Variants in PLAC1 observed in about 807,000 individuals in gnomAD.
PLAC1 encodes the protein placenta-specific protein 1.
For missense variants in PLAC1, 136 were observed against 163.2 expected (o/e 0.83, Z 0.91); for synonymous variants, 68 against 62.1 (o/e 1.09, Z -0.44).
At chrX:134,611,941 A>G (rs949675614) in intron 1 of PLAC1, among the ~76,000 whole-genome samples, 8 of 110,975 alleles carry the variant, frequency 7.2e-5, no homozygotes, top group East Asian at 2.8e-4. Flanking sequence ...AAGGGACTCA[A>G]AGTCAAACTC....
At chrX:134,571,508 C>T (rs1221057835) in intron 2 of PLAC1, among the ~76,000 whole-genome samples, 1 of 111,114 alleles carries the variant, frequency 9.0e-6, no homozygotes. Context: ...ATGGTGAGTT[C>T]AGCCAATAAT....
intron 2 of PLAC1, among the ~76,000 whole-genome samples, chrX:134,570,238 G>A (rs2077901752): frequency 9.0e-6 from 1 of 111,566 alleles, no homozygotes; most frequent in African/African-American, 3.3e-5. Flanking sequence ...TCCCGAACAA[G>A]GGAGGGAGAA....
chrX:134,698,955 G>A (rs955932860), intron 2 of PLAC1, among the ~76,000 whole-genome samples: 4 of 110,918 alleles, frequency 3.6e-5, no homozygotes, highest in South Asian at 3.9e-4. Context: ...GCACCAACCC[G>A]GTTTCTCCTC....
chrX:134,619,582 C>T (rs1221738952), intron 1 of PLAC1, among the ~76,000 whole-genome samples: 1 of 105,527 alleles, frequency 9.5e-6, no homozygotes, highest in African/African-American at 3.5e-5. Flanking sequence ...ACCTGGGAGG[C>T]GGAGGTTGCA....
intron 2 of PLAC1, among the ~76,000 whole-genome samples, chrX:134,591,223 ATGTG>A (rs779885743): frequency 9.0e-6 from 1 of 110,841 alleles, no homozygotes; most frequent in Non-Finnish European, 1.9e-5. Flanking sequence ...CATCTTGGAA[ATGTG>A]TGTGTGTGTG....
intron 1 of PLAC1, among the ~76,000 whole-genome samples, chrX:134,762,197 C>T (rs767299551): frequency 8.1e-5 from 6 of 73,804 alleles, no homozygotes; most frequent in Admixed American, 6.5e-4. Flanking sequence ...TGTTGAGGCA[C>T]CCCCCCCCCA....
chrX:134,738,196 A>G (rs1246225254), intron 1 of PLAC1, among the ~76,000 whole-genome samples: 1 of 111,527 alleles, frequency 9.0e-6, no homozygotes, highest in East Asian at 2.8e-4. Flanking sequence ...AAAAAGGAGA[A>G]AGGTCAATTA....
chrX:134,606,422 T>C (rs1414603515), intron 1 of PLAC1, among the ~76,000 whole-genome samples: 1 of 110,227 alleles, frequency 9.1e-6, no homozygotes, highest in African/African-American at 3.3e-5. Context: ...AATAAACATG[T>C]GAAAAAAACA....
chrX:134,736,815 G>A (rs949299043), intron 1 of PLAC1, among the ~76,000 whole-genome samples: 18 of 112,385 alleles, frequency 1.6e-4, no homozygotes, highest in Admixed American at 1.1e-3. Context: ...CCTGAAAGAG[G>A]TCAAGGTGAG....
At chrX:134,748,067 C>T (rs764903424) in intron 1 of PLAC1, among the ~76,000 whole-genome samples, 3 of 112,112 alleles carry the variant, frequency 2.7e-5, no homozygotes, top group Admixed American at 9.4e-5. Context: ...CAGTGGCTCA[C>T]GCCTGTAATC....
At chrX:134,619,949 T>G (rs966160897) in intron 1 of PLAC1, among the ~76,000 whole-genome samples, 6 of 111,910 alleles carry the variant, frequency 5.4e-5, no homozygotes, top group African/African-American at 1.9e-4. Context: ...GGCAGTAAGT[T>G]TTTTGTTTGT....
At chrX:134,738,052 T>C (rs927724068) in intron 1 of PLAC1, among the ~76,000 whole-genome samples, 3 of 111,772 alleles carry the variant, frequency 2.7e-5, no homozygotes, top group African/African-American at 9.8e-5. Flanking sequence ...TAACCTTCTT[T>C]GTGACTCTGA....
chrX:134,697,148 T>C (rs369774278), intron 2 of PLAC1, among the ~76,000 whole-genome samples: 3 of 111,617 alleles, frequency 2.7e-5, no homozygotes, highest in African/African-American at 9.8e-5. Context: ...TCACCTTTTC[T>C]GCCTCCAGCT....
At chrX:134,577,750 CGTGTGTGTGTGTGTGT>C (rs750817404) in intron 2 of PLAC1, among the ~76,000 whole-genome samples, 3 of 94,150 alleles carry the variant, frequency 3.2e-5, no homozygotes, top group Admixed American at 1.2e-4. Flanking sequence ...TGCATGCATG[CGTGTGTGTGTGTGTGT>C]GTGTGTGTGT....
At chrX:134,616,363 G>A (rs1602841882) in intron 1 of PLAC1, among the ~76,000 whole-genome samples, 2 of 111,792 alleles carry the variant, frequency 1.8e-5, no homozygotes, top group Admixed American at 9.5e-5. Context: ...TTAGCTGGGC[G>A]CAGTGGCTCA....
intron 2 of PLAC1, among the ~76,000 whole-genome samples, chrX:134,590,242 A>G (rs904257279): frequency 9.0e-6 from 1 of 111,118 alleles, no homozygotes; most frequent in African/African-American, 3.3e-5. Context: ...TAAAAATGAA[A>G]GTTTATTTTT....
intron 2 of PLAC1, among the ~76,000 whole-genome samples, chrX:134,575,292 G>A (rs1245944961): frequency 2.7e-5 from 3 of 110,973 alleles, no homozygotes; most frequent in Non-Finnish European, 5.7e-5. Context: ...TCTATATAAC[G>A]AAGATTTGAC....
chrX:134,586,839 TTGTGTGTGTGTGTG>T, intron 2 of PLAC1, among the ~76,000 whole-genome samples: 1 of 76,640 alleles, frequency 1.3e-5, no homozygotes, highest in African/African-American at 4.6e-5. Context: ...CCCAGCTAAT[TTGTGTGTGTGTGTG>T]TGTGTGTGTG....
intron 2 of PLAC1, among the ~76,000 whole-genome samples, chrX:134,697,401 C>T (rs1021197948): frequency 1.8e-5 from 2 of 111,777 alleles, no homozygotes; most frequent in Admixed American, 9.4e-5. Context: ...AAATAGAAGA[C>T]CTTTTATCAC....
Sources: gnomAD v4.1 joint callset for allele counts (sites outside exome capture counted in the v4.1 genomes callset) on GRCh38, gnomAD v4.1.1 for gene constraint, MANE v1.5 for transcripts, NCBI Gene and HGNC (gene_info 2026-07-23, HGNC 2026-07-21) for gene names.